Variants in EGFL6 observed in about 807,000 individuals in gnomAD.
The protein encoded by EGFL6 is epidermal growth factor-like protein 6.
Under a neutral mutation model 43.1 loss-of-function variants are expected in EGFL6, and 42 were observed. The ratio of observed to expected loss-of-function variants is 0.98; its 90% confidence interval spans 0.76 to 1.26. The LOEUF is 1.26. EGFL6 is among the 50% of genes most tolerant of loss of function. The pLI is 0.00. For synonymous variants in EGFL6, 164 were observed against 163.2 expected (o/e 1.01, Z -0.04); for missense variants, 429 against 427.8 (o/e 1.00, Z -0.02).
At chrX:13,612,657 G>A (rs1014336476) in intron 7 of EGFL6, among the ~76,000 whole-genome samples, 34 of 110,631 alleles carry the variant, frequency 3.1e-4, no homozygotes, top group Middle Eastern at 9.3e-3. Flanking sequence ...CAGACGGGGC[G>A]GCTGGCCGGG....
intron 1 of EGFL6, among the ~76,000 whole-genome samples, chrX:13,585,634 C>T (rs187320482): frequency 9.0e-6 from 1 of 111,154 alleles, no homozygotes; most frequent in East Asian, 2.8e-4. Context: ...TGCTTGCAAA[C>T]CTGCAGTCAA....
intron 7 of EGFL6, among the ~76,000 whole-genome samples, chrX:13,615,490 G>A (rs6418721): frequency 0.43 from 47,713 of 110,454 alleles, 7,416 homozygotes; most frequent in East Asian, 0.66. Flanking sequence ...GACCATGGAT[G>A]GAATTACAGT....
chrX:13,589,716 G>A, intron 2 of EGFL6, 48 bp downstream of exon 2: 1 of 1,061,955 alleles, frequency 9.4e-7, no homozygotes, highest in Non-Finnish European at 1.3e-6. Flanking sequence ...GGGCCCTTAG[G>A]TTTTTATCTG....
In EGFL6 at chrX:13,611,069, TC is replaced by T; in HGVS notation, c.778+2624del. 1.8e-5 allele frequency among the ~76,000 whole-genome samples: 2 copies of T among 111,065 alleles called. 1 individual carries two copies. Among genetic ancestry groups the T allele is most frequent in the South Asian group, 7.7e-4 (2 of 2,592 alleles). ...AGATTACCTGTCCATCTAAGCACCATCTTTTGGCTTTTCTCCCTTCCTGTCT... is the reference window on the plus strand; with the variant it reads ...AGATTACCTGTCCATCTAAGCACCATTTTTGGCTTTTCTCCCTTCCTGTCT... On this transcript the variant is annotated intron_variant, in intron 7 of 11. Transcript: ENST00000361306.
chrX:13,628,561 C>T (rs919161412), intron 11 of EGFL6, among the ~76,000 whole-genome samples: 28 of 111,152 alleles, frequency 2.5e-4, no homozygotes, highest in African/African-American at 8.5e-4. Flanking sequence ...CGCCTGTAAT[C>T]CCAACACTTT....
In EGFL6 at chrX:13,606,398, T is replaced by C; in HGVS notation, c.540T>C (p.Ser180=). The C allele has an allele frequency of 8.3e-7, 1 of 1,211,299 alleles. No homozygotes were observed. Among genetic ancestry groups the C allele is most frequent in the Non-Finnish European group, 1.1e-6 (1 of 895,152 alleles). The change falls in exon 6 of 12, where the codon TCT becomes TCC. Residue 180 remains serine (S), a synonymous_variant. Coordinates refer to ENST00000361306, the MANE Select transcript of EGFL6 (RefSeq NM_015507.4). ...RDCLDIDECA[S]GKVICPYNRR... ...CCCTAGATATTGATGAATGTGCCTC[T>C]GGTAAAGTCATCTGTCCCTACAATC...
rs2045553470 is a variant in EGFL6 at position 13,589,722 on chromosome X, ATC to A, written c.187+56_187+57del. Reference sequence around the variant, plus strand: ...CTTGGATCAGGGCCCTTAGGTTTTTATCTGTCATACCATGAACTGCCACAAAA... The same window carrying A: ...CTTGGATCAGGGCCCTTAGGTTTTTATGTCATACCATGAACTGCCACAAAA... On this transcript the variant is annotated intron_variant, in intron 2 of 11. Coordinates refer to ENST00000361306, the MANE Select transcript of EGFL6 (RefSeq NM_015507.4). 36 of 1,048,600 alleles carry A rather than the reference ATC, an allele frequency of 3.4e-5. No individual in the cohort carries two copies. The Middle Eastern group carries it at 1.1e-3, about 31-fold the overall frequency. The allele number at this position is 1,048,600 out of a possible 1,213,427, so 86.4% of individuals were successfully genotyped here.
chrX:13,593,357 A>C (rs980784426), intron 2 of EGFL6, among the ~76,000 whole-genome samples: 1 of 112,047 alleles, frequency 8.9e-6, no homozygotes, highest in African/African-American at 3.2e-5. Context: ...TCTGACATAA[A>C]GTTTGCTAGG....
intron 7 of EGFL6, among the ~76,000 whole-genome samples, chrX:13,609,938 C>T (rs1245855326): frequency 3.6e-5 from 4 of 110,812 alleles, no homozygotes; most frequent in Non-Finnish European, 7.5e-5. Flanking sequence ...CCCTAACTTA[C>T]GTCACATTCC....
At position 13,580,254 on chromosome X, in the gene EGFL6, CT is replaced by C. The variant is rs1398559416; in HGVS notation, c.75-9301del. ...GACCCTATTTTCTTTCTTATTTACA[CT>C]CTCCAGGTTATCTTCCCAGTCCCAG... On this transcript the variant is annotated intron_variant, in intron 1 of 11. Transcript: ENST00000361306. 4.5e-5 allele frequency among the ~76,000 whole-genome samples: 5 copies of C among 111,604 alleles called. No homozygotes were observed. In the East Asian group the frequency reaches 1.4e-3, roughly 31 times the overall value.
intron 6 of EGFL6, 88 bp downstream of exon 6, chrX:13,606,601 C>T: frequency 9.8e-7 from 1 of 1,023,851 alleles, no homozygotes; most frequent in East Asian, 3.1e-5. Context: ...TCAATTCAAG[C>T]TATTAGTTGA....
intron 1 of EGFL6, 39 bp downstream of exon 1, chrX:13,569,974 G>A (rs757382236): frequency 1.7e-6 from 2 of 1,183,949 alleles, no homozygotes; most frequent in Admixed American, 2.2e-5. Flanking sequence ...CCCCACCCCC[G>A]GCCTGAGGTC....
intron 3 of EGFL6, among the ~76,000 whole-genome samples, chrX:13,598,182 T>C (rs1380114692): frequency 8.9e-6 from 1 of 112,325 alleles, no homozygotes; most frequent in African/African-American, 3.2e-5. Context: ...TTTCCCGTTA[T>C]GTCCAATCAG....
intron 1 of EGFL6, among the ~76,000 whole-genome samples, chrX:13,573,550 A>G (rs1169925056): frequency 8.9e-6 from 1 of 112,404 alleles, no homozygotes; most frequent in Non-Finnish European, 1.9e-5. Context: ...TGTAAACATT[A>G]CAATGAAAAT....
intron 6 of EGFL6, among the ~76,000 whole-genome samples, chrX:13,608,020 C>T (rs1463897769): frequency 8.9e-6 from 1 of 112,317 alleles, no homozygotes; most frequent in Non-Finnish European, 1.9e-5. Context: ...TTATTTAGTT[C>T]TAAGTTAGAG....
At chrX:13,609,150 T>C (rs1219042227) in intron 7 of EGFL6, among the ~76,000 whole-genome samples, 1 of 112,256 alleles carries the variant, frequency 8.9e-6, no homozygotes, top group Non-Finnish European at 1.9e-5. Context: ...AGGGGTTTCT[T>C]CTCAATAAAA....
chrX:13,631,184 C>G (rs963756006), intron 11 of EGFL6, among the ~76,000 whole-genome samples: 2 of 111,911 alleles, frequency 1.8e-5, no homozygotes, highest in African/African-American at 6.5e-5. Flanking sequence ...ATGAAATATT[C>G]TTTTCCCTCT....
At chrX:13,610,177 A>G (rs1322862313) in intron 7 of EGFL6, among the ~76,000 whole-genome samples, 1 of 112,606 alleles carries the variant, frequency 8.9e-6, no homozygotes, top group Admixed American at 9.4e-5. Context: ...AGAACTGCCA[A>G]AAGAACAGGG....
intron 7 of EGFL6, among the ~76,000 whole-genome samples, chrX:13,612,354 G>A (rs1166038484): frequency 1.3e-4 from 14 of 107,827 alleles, no homozygotes; most frequent in African/African-American, 4.4e-4. Flanking sequence ...CAGAGAGCAC[G>A]GGGTTGGGGG....
Sources: gnomAD v4.1 joint callset for allele counts (sites outside exome capture counted in the v4.1 genomes callset) on GRCh38, gnomAD v4.1.1 for gene constraint, MANE v1.5 for transcripts, NCBI Gene and HGNC (gene_info 2026-07-23, HGNC 2026-07-21) for gene names.